AGTPBP1: variants seen among roughly 807,000 people sequenced by gnomAD.
AGTPBP1 encodes the protein cytosolic carboxypeptidase 1.
AGTPBP1 carries 70 observed loss-of-function variants against 143.9 expected under a neutral mutation model. The ratio of observed to expected loss-of-function variants is 0.49; its 90% CI spans 0.40 to 0.59. The LOEUF (loss-of-function observed/expected upper bound fraction) is 0.59, where lower values mean the gene tolerates loss of function less well. Ranked by LOEUF, AGTPBP1 falls within the 20% of genes least tolerant of loss-of-function variation. The probability of loss-of-function intolerance (pLI) is 0.00; values close to 1 mark genes in which losing one functional copy is unlikely to be tolerated. For synonymous variants in AGTPBP1, 463 were observed against 500.2 expected (o/e 0.93, Z 0.99); for missense variants, 1,229 against 1,464.5 (o/e 0.84, Z 2.62).
At position 85,597,852 on chromosome 9, in the gene AGTPBP1, T is replaced by A. The variant is rs138964178; in HGVS notation, c.2336-1403A>T. Among the ~76,000 whole-genome samples the A allele has an allele frequency of 3.5e-3, 535 of 152,272 alleles. 4 individuals carry two copies. The highest frequency in any genetic ancestry group is 0.011 in the African/African-American group (456 of 41,588). On this transcript the variant is annotated intron_variant, in intron 17 of 25. Coordinates refer to ENST00000357081, the MANE Select transcript of AGTPBP1 (RefSeq NM_001330701.2). ...TGCATTCTAAGAAAATGCTACTCTT[T>A]TAACACTATGTGACTAAGTTAGCTA...
intron 1 of AGTPBP1, among the ~76,000 whole-genome samples, chr9:85,730,746 T>C (rs12001865): frequency 0.011 from 1,684 of 152,322 alleles, 30 homozygotes; most frequent in African/African-American, 0.037. Flanking sequence ...TCTATCTTAG[T>C]CCTGGGATAG....
intron 3 of AGTPBP1, among the ~76,000 whole-genome samples, chr9:85,688,217 T>G (rs1835622201): frequency 1.3e-5 from 2 of 150,392 alleles, no homozygotes. Context: ...GAAAGTCAAT[T>G]AAACCAGAAG....
At chr9:85,673,587 T>TA (rs1184653338) in intron 6 of AGTPBP1, among the ~76,000 whole-genome samples, 3 of 151,964 alleles carry the variant, frequency 2.0e-5, no homozygotes, top group Admixed American at 2.0e-4. Flanking sequence ...ATTAAAACAG[T>TA]AAAAAAAATT....
rs979783769 is a variant in AGTPBP1 at position 85,690,791 on chromosome 9, G to A, written c.157+1898C>T. Among the ~76,000 whole-genome samples the A allele has an allele frequency of 2.0e-5, 3 of 151,724 alleles. No individual in the cohort carries two copies. The East Asian group carries it at 5.8e-4, about 29-fold the overall frequency. ...GAGGGTCATTCTCTGATAGTGATAG[G>A]GTCAGGAGTATTTTCAGTGGTGGTA... On this transcript the variant is annotated intron_variant, in intron 3 of 25. Coordinates refer to ENST00000357081, the MANE Select transcript of AGTPBP1 (RefSeq NM_001330701.2).
chr9:85,573,712 C>T lies in AGTPBP1; in HGVS notation c.3503+1603G>A, dbSNP rs571844767. On this transcript the variant is annotated intron_variant, in intron 25 of 25. Coordinates refer to ENST00000357081, the MANE Select transcript of AGTPBP1 (RefSeq NM_001330701.2). ...CTAGGAAGTAAGGAGCGTCTCTGCC[C>T]GGCCGCCCATCATCTGAGATGTGGG... 5.3e-5 allele frequency among the ~76,000 whole-genome samples: 8 copies of T among 151,862 alleles called. No homozygotes were observed. The East Asian group carries it at 1.2e-3, about 22-fold the overall frequency.
chr9:85,739,918 G>A (rs985035173), intron 1 of AGTPBP1, among the ~76,000 whole-genome samples: 2 of 151,220 alleles, frequency 1.3e-5, no homozygotes, highest in African/African-American at 4.9e-5. Flanking sequence ...CGGGAGAATC[G>A]CTTGAACCCG....
intron 2 of AGTPBP1, among the ~76,000 whole-genome samples, chr9:85,701,701 A>C (rs1339989136): frequency 1.3e-5 from 2 of 152,194 alleles, no homozygotes; most frequent in Non-Finnish European, 2.9e-5. Context: ...CAGGGAAAAC[A>C]ACCCTCTCCA....
At position 85,592,599 on chromosome 9, in the gene AGTPBP1, G is replaced by A. The variant is rs753557303; in HGVS notation, c.2529C>T (p.Tyr843=). 1.1e-5 allele frequency: 17 copies of A among 1,611,534 alleles called. No homozygotes were observed. The Admixed American group carries it at 2.8e-4, about 27-fold the overall frequency. ...ACGTATATGGATAGTGATAAGCAAA[G>A]TAGCAAACATCATCTTTATGTGGAA... ...VNFPHKDDVC[Y]FAYHYPYTYS... is the part of the protein sequence containing the mutation. The change falls in exon 19 of 26, where the codon TAC becomes TAT. Residue 843 remains tyrosine, a synonymous_variant. Transcript: ENST00000357081.
chr9:85,746,996 G>A (rs1295029914), upstream of AGTPBP1, among the ~76,000 whole-genome samples: 2 of 152,048 alleles, frequency 1.3e-5, no homozygotes, highest in East Asian at 3.9e-4. Flanking sequence ...TGGGACGACA[G>A]ACGCATACCA....
intron 2 of AGTPBP1, among the ~76,000 whole-genome samples, chr9:85,706,572 A>G (rs1274668016): frequency 6.6e-6 from 1 of 150,650 alleles, no homozygotes; most frequent in East Asian, 2.0e-4. Context: ...TAAACACATT[A>G]AATATAGAAG....
chr9:85,643,247 T>C (rs977396556), intron 12 of AGTPBP1, among the ~76,000 whole-genome samples: 1 of 152,088 alleles, frequency 6.6e-6, no homozygotes, highest in Admixed American at 6.5e-5. Flanking sequence ...AACATACATA[T>C]ATATGATGAT....
In AGTPBP1 at chr9:85,575,389, T is replaced by C. The variant is rs1827834884; in HGVS notation, c.3429A>G (p.Pro1143=). Residue 1143 remains proline, a synonymous_variant, in exon 25 of 26, where the codon CCA becomes CCG. Transcript: ENST00000357081. ...GLLRLKRLTS[P]LEYNLPSSLL... ...GGCTGGAAGGCAGATTATACTCCAA[T>C]GGAGAGGTCAGTCTTTTCAAACGTA... 2 of 1,611,080 alleles carry C rather than the reference T, an allele frequency of 1.2e-6. No homozygotes were observed. Among genetic ancestry groups the C allele is most frequent in the Non-Finnish European group, 1.7e-6 (2 of 1,179,212 alleles).
chr9:85,597,085 C>T (rs1829346950), intron 17 of AGTPBP1, among the ~76,000 whole-genome samples: 1 of 151,998 alleles, frequency 6.6e-6, no homozygotes, highest in Admixed American at 6.5e-5. Flanking sequence ...TTATTGAGAT[C>T]TGGTTTGACT....
the AGTPBP1 span, among the ~76,000 whole-genome samples, chr9:85,773,091 C>G: frequency 2.0e-5 from 3 of 151,466 alleles, no homozygotes; most frequent in Non-Finnish European, 4.4e-5. Flanking sequence ...CGGTGAAACC[C>G]CATCTCTACT....
intron 12 of AGTPBP1, 110 bp from the exon 13 acceptor site, chr9:85,643,053 A>ATTCTT: frequency 2.9e-6 from 2 of 697,614 alleles, no homozygotes; most frequent in Non-Finnish European, 4.9e-6. Context: ...TAATTAAAGA[A>ATTCTT]TAATTACTGA....
At chr9:85,637,118 T>C (rs1011807055) in intron 13 of AGTPBP1, among the ~76,000 whole-genome samples, 3 of 150,288 alleles carry the variant, frequency 2.0e-5, no homozygotes, top group Non-Finnish European at 4.4e-5. Context: ...CTCAGCTCAC[T>C]GCAACCTCCA....
chr9:85,721,702 A>AT (rs1208974876), intron 1 of AGTPBP1, among the ~76,000 whole-genome samples: 1 of 152,102 alleles, frequency 6.6e-6, no homozygotes, highest in East Asian at 1.9e-4. Flanking sequence ...TGTGAATTTA[A>AT]TCCTGTCATT....
At chr9:85,562,281 T>C (rs1182203906) in intron 25 of AGTPBP1, among the ~76,000 whole-genome samples, 1 of 151,446 alleles carries the variant, frequency 6.6e-6, no homozygotes, top group Non-Finnish European at 1.5e-5. Context: ...AATAATAATC[T>C]GGTAGATTTA....
At chr9:85,686,188 T>A (rs1453752701) in intron 3 of AGTPBP1, among the ~76,000 whole-genome samples, 1 of 151,144 alleles carries the variant, frequency 6.6e-6, no homozygotes, top group Non-Finnish European at 1.5e-5. Context: ...TTTAAAAAGA[T>A]CCAACTATAT....
Sources: allele counts gnomAD v4.1 joint callset (sites outside exome capture counted in the v4.1 genomes callset), GRCh38; gene constraint gnomAD v4.1.1; transcripts MANE v1.5; gene names NCBI Gene and HGNC (gene_info 2026-07-23, HGNC 2026-07-21).